The following PRPF39 variants were observed in gnomAD, a reference collection of about 807,000 sequenced individuals.
The protein encoded by PRPF39 is pre-mRNA processing factor 39.
A neutral mutation model predicts 82.1 loss-of-function variants in PRPF39; 27 were observed. The ratio of observed to expected loss-of-function variants is 0.33; its 90% CI spans 0.24 to 0.45. The LOEUF (loss-of-function observed/expected upper bound fraction) is 0.45. PRPF39 is among the 20% of genes least tolerant of loss of function. The probability of loss-of-function intolerance (pLI) is 1.00; values close to 1 mark genes in which losing one functional copy is unlikely to be tolerated. For synonymous variants in PRPF39, 261 were observed against 256.4 expected (o/e 1.02, Z -0.17); for missense variants, 581 against 796.9 (o/e 0.73, Z 3.26).
intron 13 of PRPF39, 112 bp from the exon 14 acceptor site, chr14:45,114,742 ATTT>A (rs2139070990): frequency 7.2e-7 from 1 of 1,391,876 alleles, no homozygotes; most frequent in Non-Finnish European, 9.9e-7. Context: ...AAGTACTAGA[ATTT>A]TAGCAGTGAA....
chr14:45,112,265 G>A, intron 10 of PRPF39, 53 bp from the exon 11 acceptor site: 1 of 1,385,348 alleles, frequency 7.2e-7, no homozygotes, highest in Non-Finnish European at 9.6e-7. Context: ...TTAAATATCT[G>A]TGCTCTAATA....
intron 2 of PRPF39, 117 bp from the exon 3 acceptor site, chr14:45,095,986 A>T: frequency 2.2e-6 from 2 of 890,910 alleles, no homozygotes; most frequent in Non-Finnish European, 3.3e-6. Context: ...CTGCATGTGG[A>T]GTTTTTAAGC....
At position 45,096,588 on chromosome 14, in the gene PRPF39, T is replaced by C. The variant is rs924226747; in HGVS notation, c.451-299T>C. On this transcript the variant is annotated intron_variant, in intron 3 of 13. Transcript: ENST00000355765. ...ACATTTGCTACGTCTTATTGCATTT[T>C]TGGTCAGACGCTGTCATTGATGCTC... The C allele has an allele frequency of 2.1e-6, 3 of 1,446,756 alleles. No individual in the cohort carries two copies. In the African/African-American group the frequency reaches 4.2e-5, roughly 20 times the overall value. 89.6% of individuals were successfully genotyped at this position (1,446,756 alleles called of 1,614,324 possible). A position where few individuals can be genotyped will look rare whatever the true frequency, so the allele number is the denominator to read the frequency against.
At chr14:45,112,726 T>G (rs1884730872) in intron 11 of PRPF39, among the ~76,000 whole-genome samples, 1 of 152,212 alleles carries the variant, frequency 6.6e-6, no homozygotes, top group Non-Finnish European at 1.5e-5. Flanking sequence ...GTTTTCCCAA[T>G]TTTAGAATGA....
chr14:45,102,815 A>G, intron 5 of PRPF39, 119 bp downstream of exon 5: 1 of 1,036,792 alleles, frequency 9.6e-7, no homozygotes, highest in Non-Finnish European at 1.3e-6. Context: ...AGAGGAATAA[A>G]TTTTGTTGCT....
Position 45,110,176 on chromosome 14 carries a change from A to C in PRPF39, c.1259A>C (p.Lys420Thr), listed in dbSNP as rs763187005. Reference sequence around the variant, plus strand: ...GCTTGTACTATACATCTCCCAAAGAAACCCATGGTGCATATGCTTTGGGCA... The same window carrying C: ...GCTTGTACTATACATCTCCCAAAGACACCCATGGTGCATATGCTTTGGGCA... The part of the protein sequence containing the change: ...SRACTIHLPK[K>T]PMVHMLWAAF... The change falls in exon 9 of 14, where the codon AAA (lysine) becomes ACA (threonine). Residue 420 changes from lysine (K) to threonine (T), a missense_variant. Transcript: ENST00000355765. The surrounding 1 kb of genome is among the most constrained non-coding windows in gnomAD (Gnocchi z 4.0). The C allele has an allele frequency of 3.1e-6, 5 of 1,613,740 alleles. No homozygotes were observed. The highest frequency in any genetic ancestry group is 2.2e-5 in the East Asian group (1 of 44,890).
intron 1 of PRPF39, among the ~76,000 whole-genome samples, chr14:45,092,628 G>T (rs904536640): frequency 6.9e-6 from 1 of 145,688 alleles, no homozygotes; most frequent in African/African-American, 2.5e-5. Context: ...AAAAAAAGTC[G>T]TCAGCATCTT....
At chr14:45,104,604 A>G (rs1884471768) in intron 5 of PRPF39, among the ~76,000 whole-genome samples, 1 of 152,226 alleles carries the variant, frequency 6.6e-6, no homozygotes, top group Non-Finnish European at 1.5e-5. Flanking sequence ...GTGTTAAAAA[A>G]GATATTCTAA....
chr14:45,106,372 T>G (rs1884533425), intron 5 of PRPF39, among the ~76,000 whole-genome samples: 2 of 151,928 alleles, frequency 1.3e-5, no homozygotes, highest in South Asian at 4.2e-4. Flanking sequence ...AAGAAAGAAA[T>G]ACTGAGGGTA....
rs754504001 is a variant in PRPF39 at position 45,102,570 on chromosome 14, G to T, written c.611G>T (p.Arg204Leu). Residue 204 changes from arginine to leucine, a missense_variant, in exon 5 of 14, where the codon CGT (arginine) becomes CTT (leucine). Coordinates refer to ENST00000355765, the MANE Select transcript of PRPF39 (RefSeq NM_017922.4). ...GTTCTAGCTGCAGGAACAGATTTCC[G>T]TTCTGACAGACTGTGGGAAATGTAT... Reference protein sequence around the residue: ...HAVLAAGTDFRSDRLWEMYIN... With the variant: ...HAVLAAGTDFLSDRLWEMYIN... The T allele has an allele frequency of 1.2e-6, 2 of 1,611,346 alleles. No individual in the cohort carries two copies. Among genetic ancestry groups the T allele is most frequent in the Admixed American group, 1.7e-5 (1 of 59,382 alleles).
Position 45,096,882 on chromosome 14 carries a change from C to G in PRPF39, c.451-5C>G. 6.5e-7 allele frequency: 1 copy of G among 1,544,548 alleles called. No homozygotes were observed. Among genetic ancestry groups the G allele is most frequent in the Non-Finnish European group, 8.7e-7 (1 of 1,145,570 alleles). On this transcript the variant is annotated splice_polypyrimidine_tract_variant and splice_region_variant and intron_variant, in intron 3 of 13. Transcript: ENST00000355765. The stretch of plus-strand genomic sequence containing the variant: ...TTGAAGTACAGTTTGCTGTTTTCTT[C>G]TTAGGTTTATCGGCGGGGGCTTCAG...
chr14:45,087,796 A>C (rs1294310670), intron 1 of PRPF39, among the ~76,000 whole-genome samples: 4 of 143,854 alleles, frequency 2.8e-5, no homozygotes, highest in Admixed American at 1.4e-4. Flanking sequence ...ACCGTGTTAG[A>C]CAGGATGGTC....
chr14:45,116,069 T>A lies in PRPF39; in HGVS notation c.*1156T>A. On this transcript the variant is annotated 3_prime_UTR_variant, in exon 14 of 14. Coordinates refer to ENST00000355765, the MANE Select transcript of PRPF39 (RefSeq NM_017922.4). Reference sequence around the variant, plus strand: ...GCTGGGACCAAGTAAACAAATTTTATTAACTCCTTGAATTTTCCAGTTGAC... The same window carrying A: ...GCTGGGACCAAGTAAACAAATTTTAATAACTCCTTGAATTTTCCAGTTGAC... The A allele has an allele frequency of 3.1e-6, 2 of 645,522 alleles. No individual in the cohort carries two copies. Among genetic ancestry groups the A allele is most frequent in the South Asian group, 2.1e-5 (1 of 48,478 alleles). 40.0% of individuals were successfully genotyped at this position (645,522 alleles called of 1,614,324 possible).
At chr14:45,111,371 G>C (rs1884690438) in intron 10 of PRPF39, among the ~76,000 whole-genome samples, 1 of 151,034 alleles carries the variant, frequency 6.6e-6, no homozygotes, top group African/African-American at 2.4e-5. Context: ...TTTTGAGTCT[G>C]TCGCCTAAGC....
Position 45,095,957 on chromosome 14 carries a change from G to A in PRPF39, c.325-146G>A, listed in dbSNP as rs573094327. The stretch of plus-strand genomic sequence containing the variant: ...AAAGTAAAGGAATAAAAGAAGGGCT[G>A]CTCCATCGGCAGAGCAGCCTGCATG... On this transcript the variant is annotated intron_variant, in intron 2 of 13. Transcript: ENST00000355765. 32 of 578,390 alleles carry A rather than the reference G, an allele frequency of 5.5e-5. No homozygotes were observed. In the African/African-American group the frequency reaches 6.3e-4, roughly 11 times the overall value. The allele number at this position is 578,390 out of a possible 1,614,324, so 35.8% of individuals were successfully genotyped here.
At chr14:45,103,091 A>G (rs187104624) in intron 5 of PRPF39, among the ~76,000 whole-genome samples, 1 of 152,280 alleles carries the variant, frequency 6.6e-6, no homozygotes. Context: ...ATGATTTGCT[A>G]AATATACATT....
intron 10 of PRPF39, 195 bp downstream of exon 10, chr14:45,111,012 CATTAAG>C: frequency 7.1e-6 from 4 of 565,880 alleles, no homozygotes; most frequent in Non-Finnish European, 1.2e-5. Flanking sequence ...AAGTTTTAGA[CATTAAG>C]ATTATTGGGT....
chr14:45,091,611 G>A (rs1002921114), intron 1 of PRPF39, among the ~76,000 whole-genome samples: 2 of 152,138 alleles, frequency 1.3e-5, no homozygotes, highest in East Asian at 1.9e-4. Flanking sequence ...TTTACGAAGA[G>A]TGTATACAAA....
In PRPF39 at chr14:45,107,586, G is replaced by A. The variant is rs149209273; in HGVS notation, c.873G>A (p.Ser291=). 2.6e-3 allele frequency: 4,024 copies of A among 1,552,280 alleles called. 7 individuals are homozygous for A. The highest frequency in any genetic ancestry group is 3.0e-3 in the Non-Finnish European group (3,492 of 1,147,078). ...DDGPPGDDLP[S]GIEDITDPAK... is the part of the protein sequence containing the mutation. ...GTCCTCCTGGTGATGATCTACCATC[G>A]GGAATTGAAGACATAACCGATCCTG... is the stretch of plus-strand genomic sequence containing the variant. Residue 291 remains serine, a synonymous_variant, in exon 6 of 14, where the codon TCG becomes TCA. Transcript: ENST00000355765.
Sources: allele counts gnomAD v4.1 joint callset (sites outside exome capture counted in the v4.1 genomes callset), GRCh38; gene constraint gnomAD v4.1.1; non-coding constraint Gnocchi (gnomAD v3.1); transcripts MANE v1.5; gene names NCBI Gene and HGNC (gene_info 2026-07-23, HGNC 2026-07-21).